ERG: variants seen among roughly 807,000 people sequenced by gnomAD.
ERG encodes the protein ETS transcription factor ERG, also known as transcriptional regulator ERG.
Under a neutral mutation model 55.3 loss-of-function variants are expected in ERG, and 9 were observed. The ratio of observed to expected loss-of-function variants is 0.16; its 90% CI spans 0.10 to 0.28. The LOEUF is 0.28. Ranked by LOEUF, ERG falls within the 10% of genes least tolerant of loss-of-function variation. The pLI is 1.00. For missense variants in ERG, 434 were observed against 631.6 expected (o/e 0.69, Z 3.35); for synonymous variants, 223 against 237.3 (o/e 0.94, Z 0.55).
At chr21:38,578,310 C>T (rs1373169428) in intron 1 of ERG, among the ~76,000 whole-genome samples, 2 of 152,152 alleles carry the variant, frequency 1.3e-5, no homozygotes, top group Non-Finnish European at 1.5e-5. Context: ...TCTAGAGGCA[C>T]GGAGAAGATA....
chr21:38,403,332 A>AGGGT (rs1486840128), intron 4 of ERG, among the ~76,000 whole-genome samples, 174 bp downstream of exon 4: 1 of 152,170 alleles, frequency 6.6e-6, no homozygotes, highest in East Asian at 1.9e-4. Context: ...TGATGTGGCC[A>AGGGT]GGGTGTTGCT....
chr21:38,646,279 T>TAAAA (rs397969203), intron 1 of ERG, among the ~76,000 whole-genome samples: 4 of 110,296 alleles, frequency 3.6e-5, no homozygotes, highest in African/African-American at 1.0e-4. Flanking sequence ...AGTCTCTGTC[T>TAAAA]AAAAAAAAAA....
Position 38,452,189 on chromosome 21 carries a change from C to A in ERG, c.19-6568G>T, listed in dbSNP as rs577333402. On this transcript the variant is annotated intron_variant, in intron 1 of 9. Transcript: ENST00000288319. ...TGTCAAATAATTTCACCACTCACAACACTAGTCCAGTGCTAAGAAATGAGA... is the reference window on the plus strand; with the variant it reads ...TGTCAAATAATTTCACCACTCACAAAACTAGTCCAGTGCTAAGAAATGAGA... 3.3e-5 allele frequency among the ~76,000 whole-genome samples: 5 copies of A among 152,342 alleles called. No individual in the cohort carries two copies. In the South Asian group the frequency reaches 8.3e-4, roughly 25 times the overall value.
intron 2 of ERG, among the ~76,000 whole-genome samples, chr21:38,528,057 CT>C (rs944015155): frequency 1.3e-5 from 2 of 152,204 alleles, no homozygotes; most frequent in Admixed American, 6.5e-5. Flanking sequence ...TAGGCTCTCT[CT>C]CCCCCAGCTT....
upstream of ERG, among the ~76,000 whole-genome samples, chr21:38,499,317 C>A (rs1331729765): frequency 6.6e-6 from 1 of 152,160 alleles, no homozygotes; most frequent in Non-Finnish European, 1.5e-5. Flanking sequence ...CATTACATGT[C>A]TAAAATCCAA....
chr21:38,386,900 T>C (rs928586828), intron 9 of ERG, among the ~76,000 whole-genome samples: 3 of 152,008 alleles, frequency 2.0e-5, no homozygotes, highest in African/African-American at 7.2e-5. Context: ...TAAAAAACAG[T>C]GGCAAGCAGC....
At chr21:38,521,205 G>T (rs540904147) in intron 2 of ERG, among the ~76,000 whole-genome samples, 5 of 152,104 alleles carry the variant, frequency 3.3e-5, no homozygotes, top group African/African-American at 1.2e-4. Flanking sequence ...CAGCCACACA[G>T]TTCCCTTCAT....
At chr21:38,466,212 G>C (rs986622554) in intron 1 of ERG, among the ~76,000 whole-genome samples, 3 of 151,692 alleles carry the variant, frequency 2.0e-5, no homozygotes, top group African/African-American at 7.3e-5. Context: ...CAGCATTCTT[G>C]TATGAATGAA....
chr21:38,476,356 G>T (rs2059187198), intron 1 of ERG, among the ~76,000 whole-genome samples: 1 of 152,152 alleles, frequency 6.6e-6, no homozygotes, highest in Non-Finnish European at 1.5e-5. Flanking sequence ...GGGTCCCATT[G>T]TCTCCACGTT....
At chr21:38,514,826 A>AT (rs972984817) in intron 2 of ERG, among the ~76,000 whole-genome samples, 3 of 151,938 alleles carry the variant, frequency 2.0e-5, no homozygotes, top group African/African-American at 4.8e-5. Flanking sequence ...AGATGACATC[A>AT]TTTTTTTACA....
intron 2 of ERG, among the ~76,000 whole-genome samples, chr21:38,553,521 G>C (rs1416074331): frequency 6.6e-6 from 1 of 152,048 alleles, no homozygotes. Context: ...GAACCCAGAA[G>C]TAATGTCACA....
chr21:38,454,693 C>T lies in ERG; in HGVS notation c.19-9072G>A, dbSNP rs1050039340. On this transcript the variant is annotated intron_variant, in intron 1 of 9. Transcript: ENST00000288319. ...AAGGGTGATGTGACTGACTCCAAAC[C>T]TCTGCATGTGAACCATCAGAATTAT... 4.6e-5 allele frequency among the ~76,000 whole-genome samples: 7 copies of T among 152,270 alleles called. No individual in the cohort carries two copies. In the East Asian group the frequency reaches 1.3e-3, roughly 29 times the overall value.
At chr21:38,504,349 T>C (rs980398184) in intron 2 of ERG, among the ~76,000 whole-genome samples, 1 of 152,220 alleles carries the variant, frequency 6.6e-6, no homozygotes, top group Admixed American at 6.5e-5. Flanking sequence ...AGGCCAATTT[T>C]GCTCTTACTC....
At chr21:38,623,781 G>A (rs147163345) in intron 1 of ERG, among the ~76,000 whole-genome samples, 1,646 of 152,286 alleles carry the variant, frequency 0.011, 24 homozygotes, top group African/African-American at 0.036. Context: ...ATGAATCTGT[G>A]CATGTGGGCC....
At chr21:38,568,750 G>T (rs2059938605) in intron 2 of ERG, among the ~76,000 whole-genome samples, 2 of 152,180 alleles carry the variant, frequency 1.3e-5, no homozygotes, top group Non-Finnish European at 1.5e-5. Flanking sequence ...CCCTTCATGA[G>T]CTGGAGGACA....
chr21:38,654,920 C>G (rs573801149), intron 1 of ERG, among the ~76,000 whole-genome samples: 43 of 149,292 alleles, frequency 2.9e-4, no homozygotes, highest in African/African-American at 1.1e-3. Flanking sequence ...TAATGAGAAT[C>G]CATTCAACAT....
intron 9 of ERG, among the ~76,000 whole-genome samples, chr21:38,386,145 T>C (rs1987681369): frequency 6.6e-6 from 1 of 152,204 alleles, no homozygotes; most frequent in African/African-American, 2.4e-5. Context: ...GGGACCTAAA[T>C]TTGTGGCAGC....
At chr21:38,516,585 G>A (rs562532226) in intron 2 of ERG, among the ~76,000 whole-genome samples, 7 of 151,782 alleles carry the variant, frequency 4.6e-5, no homozygotes, top group African/African-American at 7.2e-5. Context: ...AAATATTAAC[G>A]TCATTTTTCA....
At chr21:38,403,383 T>C in intron 4 of ERG, 123 bp downstream of exon 4, 2 of 892,478 alleles carry the variant, frequency 2.2e-6, no homozygotes, top group South Asian at 3.0e-5. Flanking sequence ...CTCCCTCGGA[T>C]CCCCAGTGGG....
Sources: gnomAD v4.1 joint callset for allele counts (sites outside exome capture counted in the v4.1 genomes callset) on GRCh38, gnomAD v4.1.1 for gene constraint, MANE v1.5 for transcripts, NCBI Gene and HGNC (gene_info 2026-07-23, HGNC 2026-07-21) for gene names.